The following SLC24A2 variants were observed in gnomAD, a reference collection of about 807,000 sequenced individuals.
The protein encoded by SLC24A2 is sodium/potassium/calcium exchanger 2.
SLC24A2 carries 36 observed loss-of-function variants against 62.0 expected under a neutral mutation model. That is an observed-to-expected ratio of 0.58 (90% CI 0.44 to 0.77). The LOEUF (loss-of-function observed/expected upper bound fraction) is 0.77, where lower values mean the gene tolerates loss of function less well. Ranked by LOEUF, SLC24A2 falls within the 30% of genes least tolerant of loss-of-function variation. The pLI, the probability that SLC24A2 is intolerant of heterozygous loss-of-function variation, is 0.00. For synonymous variants in SLC24A2, 358 were observed against 294.0 expected (o/e 1.22, Z -2.23); for missense variants, 846 against 817.9 (o/e 1.03, Z -0.42).
chr9:19,718,878 T>C (rs1820943369), intron 2 of SLC24A2, among the ~76,000 whole-genome samples: 1 of 152,216 alleles, frequency 6.6e-6, no homozygotes, highest in Non-Finnish European at 1.5e-5. Context: ...TCTGAATTTA[T>C]GCTGGTTTCT....
rs147258641 is a variant in SLC24A2, at chr9:19,534,398, C to T, written c.1480-6260G>A. On this transcript the variant is annotated intron_variant, in intron 8 of 10. Transcript: ENST00000341998. ...TACACTTTAAGTTCTTGGGTACATGCGCAGAATGTGCAGCTTTGTTACTTA... is the reference window on the plus strand; with the variant it reads ...TACACTTTAAGTTCTTGGGTACATGTGCAGAATGTGCAGCTTTGTTACTTA... 3.0e-3 allele frequency among the ~76,000 whole-genome samples: 453 copies of T among 152,118 alleles called. 2 individuals carry two copies. The highest frequency in any genetic ancestry group is 0.02 in the Middle Eastern group (6 of 294).
In SLC24A2 at chr9:19,550,571, T is replaced by C. The variant is rs976678247; in HGVS notation, c.1348-303A>G. Among the ~76,000 whole-genome samples, 6 of 152,234 alleles carry C rather than the reference T, an allele frequency of 3.9e-5. No individual in the cohort carries two copies. The East Asian group carries it at 1.2e-3, about 29-fold the overall frequency. On this transcript the variant is annotated intron_variant, in intron 7 of 10. Transcript: ENST00000341998. The stretch of plus-strand genomic sequence containing the variant: ...CTACAACTACAATTCACGAGCTTCT[T>C]ATAACAAACTATATCTGTGGAGGAA...
the SLC24A2 span, among the ~76,000 whole-genome samples, chr9:19,961,093 A>G: frequency 6.7e-6 from 1 of 148,856 alleles, no homozygotes; most frequent in African/African-American, 2.5e-5. Context: ...GAGAAAGAGA[A>G]GAAAGGAGAG....
At chr9:19,692,471 G>GT (rs990086149) in intron 2 of SLC24A2, among the ~76,000 whole-genome samples, 1 of 151,886 alleles carries the variant, frequency 6.6e-6, no homozygotes, top group Non-Finnish European at 1.5e-5. Flanking sequence ...CACCTTATTA[G>GT]TTTTTTTTGG....
At chr9:20,305,721 G>C in the SLC24A2 span, among the ~76,000 whole-genome samples, 1 of 152,154 alleles carries the variant, frequency 6.6e-6, no homozygotes, top group African/African-American at 2.4e-5. Context: ...GGACATTGAG[G>C]CTCCAAGATG....
At chr9:19,720,837 A>G (rs867254893) in intron 2 of SLC24A2, among the ~76,000 whole-genome samples, 25 of 140,524 alleles carry the variant, frequency 1.8e-4, no homozygotes, top group African/African-American at 2.6e-4. Flanking sequence ...ATGTGGAATG[A>G]TGTGTGTGTG....
chr9:20,030,876 T>C, the SLC24A2 span, among the ~76,000 whole-genome samples: 1 of 152,130 alleles, frequency 6.6e-6, no homozygotes, highest in South Asian at 2.1e-4. Context: ...TATGTCATTC[T>C]ATGTAGCTAA....
At chr9:19,701,849 T>G (rs1042561190) in intron 2 of SLC24A2, among the ~76,000 whole-genome samples, 1 of 152,212 alleles carries the variant, frequency 6.6e-6, no homozygotes. Flanking sequence ...ATCCTGCCAT[T>G]TGATCTAATC....
chr9:20,003,268 ACT>A, the SLC24A2 span, among the ~76,000 whole-genome samples: 7 of 152,034 alleles, frequency 4.6e-5, no homozygotes, highest in Non-Finnish European at 1.0e-4. Context: ...TGCTTGTAAG[ACT>A]CTAATCCAGC....
chr9:19,561,133 T>G (rs528316895), intron 7 of SLC24A2, among the ~76,000 whole-genome samples: 25 of 151,896 alleles, frequency 1.6e-4, no homozygotes, highest in African/African-American at 5.6e-4. Flanking sequence ...TTTTACCATG[T>G]TGGCCAGGCT....
the SLC24A2 span, among the ~76,000 whole-genome samples, chr9:20,042,935 G>A: frequency 1.3e-5 from 2 of 152,188 alleles, no homozygotes; most frequent in Non-Finnish European, 2.9e-5. Context: ...TAAATGTTAT[G>A]TGTATTTTAA....
At chr9:20,109,414 T>A in the SLC24A2 span, among the ~76,000 whole-genome samples, 1 of 151,958 alleles carries the variant, frequency 6.6e-6, no homozygotes, top group Non-Finnish European at 1.5e-5. Context: ...CTGACAAGAG[T>A]GGTTCATTGT....
chr9:20,002,252 G>A, the SLC24A2 span, among the ~76,000 whole-genome samples: 1 of 152,038 alleles, frequency 6.6e-6, no homozygotes, highest in Non-Finnish European at 1.5e-5. Context: ...TGTTGAGCCA[G>A]CACTGATGTA....
At chr9:19,584,292 A>C (rs1563982324) in intron 5 of SLC24A2, among the ~76,000 whole-genome samples, 1 of 134,732 alleles carries the variant, frequency 7.4e-6, no homozygotes, top group Non-Finnish European at 1.6e-5. Flanking sequence ...AAAAAAAAAA[A>C]ACAAACAAAA....
the SLC24A2 span, among the ~76,000 whole-genome samples, chr9:19,828,463 T>C: frequency 2.0e-5 from 3 of 152,050 alleles, no homozygotes. Flanking sequence ...AAATAAAAAA[T>C]TAAGAATAAA....
chr9:19,902,846 G>A, the SLC24A2 span, among the ~76,000 whole-genome samples: 3 of 152,230 alleles, frequency 2.0e-5, no homozygotes, highest in South Asian at 6.2e-4. Context: ...GTGTGAGTAT[G>A]GTTACAGATA....
the SLC24A2 span, among the ~76,000 whole-genome samples, chr9:19,902,985 C>T: frequency 6.6e-6 from 1 of 151,826 alleles, no homozygotes; most frequent in Non-Finnish European, 1.5e-5. Flanking sequence ...CAGATCCTAC[C>T]TAGGAAAAAG....
At chr9:19,572,727 G>A (rs956908480) in intron 7 of SLC24A2, among the ~76,000 whole-genome samples, 5 of 152,170 alleles carry the variant, frequency 3.3e-5, no homozygotes, top group South Asian at 2.1e-4. Context: ...GCCTAGTACC[G>A]AAGCTGTGGC....
At chr9:20,152,963 G>A in the SLC24A2 span, among the ~76,000 whole-genome samples, 3 of 151,796 alleles carry the variant, frequency 2.0e-5, no homozygotes, top group African/African-American at 7.3e-5. Flanking sequence ...TAATTTGTAC[G>A]GTGCCTAGTA....
Sources: allele counts gnomAD v4.1 joint callset (sites outside exome capture counted in the v4.1 genomes callset), GRCh38; gene constraint gnomAD v4.1.1; transcripts MANE v1.5; gene names NCBI Gene and HGNC (gene_info 2026-07-23, HGNC 2026-07-21).